Variants in AKR1D1 observed in about 807,000 individuals in gnomAD.
AKR1D1 encodes the protein aldo-keto reductase family 1 member D1, also known as delta(4)-3-ketosteroid 5-beta-reductase.
A neutral mutation model predicts 42.6 loss-of-function variants in AKR1D1; 32 were observed. The ratio of observed to expected loss-of-function variants is 0.75; its 90% CI spans 0.57 to 1.01. AKR1D1 has a LOEUF of 1.01. Ranked by LOEUF, AKR1D1 falls within the 50% of genes least tolerant of loss-of-function variation. AKR1D1 has a pLI of 0.00. For synonymous variants in AKR1D1, 123 were observed against 135.5 expected (o/e 0.91, Z 0.64); for missense variants, 364 against 402.2 (o/e 0.91, Z 0.81).
intron 7 of AKR1D1, among the ~76,000 whole-genome samples, chr7:138,108,348 T>C (rs1794473939): frequency 6.6e-6 from 1 of 152,194 alleles, no homozygotes; most frequent in African/African-American, 2.4e-5. Context: ...TAATTTACAT[T>C]TCAAAAGTAA....
In AKR1D1 at chr7:138,097,857, T is replaced by C; in HGVS notation, c.379-9T>C. 6.3e-7 allele frequency: 1 copy of C among 1,588,902 alleles called. No individual in the cohort carries two copies. The highest frequency in any genetic ancestry group is 8.6e-7 in the Non-Finnish European group (1 of 1,164,418). On this transcript the variant is annotated splice_polypyrimidine_tract_variant and intron_variant, in intron 3 of 8. Transcript: ENST00000242375. Reference sequence around the variant, plus strand: ...TGAATTACATTTATTCTTTTTTTTTTTTTTTCAGCCAGGAGATGAAATATA... The same window carrying C: ...TGAATTACATTTATTCTTTTTTTTTCTTTTTCAGCCAGGAGATGAAATATA...
At position 138,100,088 on chromosome 7, in the gene AKR1D1, C is replaced by CA. The variant is rs59361346; in HGVS notation, c.456+2175dup. Among the ~76,000 whole-genome samples, 252 of 43,550 alleles carry CA rather than the reference C, an allele frequency of 5.8e-3. 44 individuals carry two copies. Among genetic ancestry groups the CA allele is most frequent in the Admixed American group, 0.011 (24 of 2,236 alleles). The allele number at this position is 43,550 out of a possible 152,430, so 28.6% of individuals were successfully genotyped here. ...TGGGCAATATAGCGAGATTTCATCT[C>CA]AAAAAAAAAAAAAAAAAAAAAAAAA... On this transcript the variant is annotated intron_variant, in intron 4 of 8. Transcript: ENST00000242375.
rs533917536 is a variant in AKR1D1, at chr7:138,098,288, G to C, written c.456+345G>C. On this transcript the variant is annotated intron_variant, in intron 4 of 8. Coordinates refer to ENST00000242375, the MANE Select transcript of AKR1D1 (RefSeq NM_005989.4). ...CAAGTTGTTAATATGATGCCTACAA[G>C]AAACAAACTTAAAATGATACATAAA... 8 of 203,182 alleles carry C rather than the reference G, an allele frequency of 3.9e-5. No individual in the cohort carries two copies. In the South Asian group the frequency reaches 6.2e-4, roughly 16 times the overall value. 12.6% of individuals were successfully genotyped at this position (203,182 alleles called of 1,614,324 possible). A position where few individuals can be genotyped will look rare whatever the true frequency, so the allele number is the denominator to read the frequency against.
intron 8 of AKR1D1, among the ~76,000 whole-genome samples, chr7:138,115,305 G>A (rs1264034177): frequency 6.6e-6 from 1 of 152,064 alleles, no homozygotes; most frequent in Non-Finnish European, 1.5e-5. Flanking sequence ...AAGCCATCAT[G>A]GTGGCATGCA....
chr7:138,105,561 G>A (rs1794406535), intron 5 of AKR1D1, 132 bp downstream of exon 5: 2 of 1,338,106 alleles, frequency 1.5e-6, no homozygotes, highest in South Asian at 1.3e-5. Flanking sequence ...CCCTGTGCAA[G>A]TCTTTAGACT....
At chr7:138,104,326 T>TATGAGAGAGAG (rs1794373893) in intron 4 of AKR1D1, among the ~76,000 whole-genome samples, 1 of 152,024 alleles carries the variant, frequency 6.6e-6, no homozygotes, top group Non-Finnish European at 1.5e-5. Context: ...TACATATATG[T>TATGAGAGAGAG]ATGAGAGAGA....
chr7:138,082,305 T>C (rs6943498), intron 1 of AKR1D1, among the ~76,000 whole-genome samples: 83,036 of 151,988 alleles, frequency 0.55, 22,986 homozygotes, highest in Middle Eastern at 0.62. Flanking sequence ...GCACTTTTCA[T>C]AGTTTCCTGT....
chr7:138,095,701 T>G (rs1338028117), intron 3 of AKR1D1, among the ~76,000 whole-genome samples: 1 of 152,100 alleles, frequency 6.6e-6, no homozygotes, highest in Admixed American at 6.5e-5. Flanking sequence ...AATTTTTGTA[T>G]TTTTAGTAGA....
chr7:138,101,224 G>A (rs1032071097), intron 4 of AKR1D1, among the ~76,000 whole-genome samples: 1 of 109,046 alleles, frequency 9.2e-6, no homozygotes, highest in Non-Finnish European at 1.7e-5. Flanking sequence ...TTCCTTCCAC[G>A]AGTCTCGCTC....
intron 1 of AKR1D1, among the ~76,000 whole-genome samples, chr7:138,078,572 C>G (rs1029654714): frequency 1.3e-5 from 2 of 152,184 alleles, no homozygotes; most frequent in Non-Finnish European, 2.9e-5. Flanking sequence ...TCTTTATGAT[C>G]TCATTCATAA....
intron 1 of AKR1D1, among the ~76,000 whole-genome samples, chr7:138,087,414 T>C (rs1793954067): frequency 6.6e-6 from 1 of 152,236 alleles, no homozygotes; most frequent in African/African-American, 2.4e-5. Flanking sequence ...GGGAACAGGA[T>C]ATGCTCATTC....
chr7:138,100,965 A>G (rs1794296500), intron 4 of AKR1D1, among the ~76,000 whole-genome samples: 2 of 151,886 alleles, frequency 1.3e-5, no homozygotes, highest in Admixed American at 1.3e-4. Flanking sequence ...CCGCCTCTCA[A>G]AGTGCTGAGA....
At chr7:138,087,715 C>T (rs1793960558) in intron 1 of AKR1D1, among the ~76,000 whole-genome samples, 1 of 152,154 alleles carries the variant, frequency 6.6e-6, no homozygotes, top group African/African-American at 2.4e-5. Context: ...CCCCCAACTC[C>T]TGACCCCAGG....
At chr7:138,108,604 CA>C (rs1794477966) in intron 7 of AKR1D1, among the ~76,000 whole-genome samples, 2 of 152,050 alleles carry the variant, frequency 1.3e-5, no homozygotes, top group Non-Finnish European at 2.9e-5. Flanking sequence ...AAAAGTTAAT[CA>C]CATAAAAGTA....
At chr7:138,097,754 C>A in intron 3 of AKR1D1, 112 bp from the exon 4 acceptor site, 1 of 915,460 alleles carries the variant, frequency 1.1e-6, no homozygotes, top group Non-Finnish European at 1.7e-6. Flanking sequence ...GATTTAGAAA[C>A]AATAGACATT....
chr7:138,093,316 CTCGGCCTCCCAAAG>C (rs1263559535), intron 3 of AKR1D1, among the ~76,000 whole-genome samples: 3 of 152,162 alleles, frequency 2.0e-5, no homozygotes, highest in Non-Finnish European at 1.5e-5. Context: ...ATCCGCCCAC[CTCGGCCTCCCAAAG>C]TGTTGGGATT....
intron 4 of AKR1D1, among the ~76,000 whole-genome samples, chr7:138,104,933 A>G (rs1794390703): frequency 1.3e-5 from 2 of 151,736 alleles, no homozygotes; most frequent in African/African-American, 4.8e-5. Context: ...TTAATTCTTG[A>G]TTTTTATTAG....
intron 7 of AKR1D1, among the ~76,000 whole-genome samples, chr7:138,109,034 A>T (rs1429934342): frequency 2.0e-5 from 3 of 152,230 alleles, no homozygotes; most frequent in African/African-American, 7.2e-5. Flanking sequence ...ACACAGACAG[A>T]TGTTTATTAT....
rs1224062745 is a variant in AKR1D1 at position 138,088,494 on chromosome 7, T to C, written c.94-107T>C. On this transcript the variant is annotated intron_variant, in intron 1 of 8. Coordinates refer to ENST00000242375, the MANE Select transcript of AKR1D1 (RefSeq NM_005989.4). The stretch of plus-strand genomic sequence containing the variant: ...TCACAACAGCAAGGAATTGGGAATG[T>C]GTCATTTTAGCTGTAAAGGAATGTA... The C allele has an allele frequency of 6.2e-6, 8 of 1,298,638 alleles. No homozygotes were observed. In the South Asian group the frequency reaches 7.3e-5, roughly 12 times the overall value. The allele number at this position is 1,298,638 out of a possible 1,614,324, so 80.4% of individuals were successfully genotyped here. A position where few individuals can be genotyped will look rare whatever the true frequency, so the allele number is the denominator to read the frequency against.
Sources: gnomAD v4.1 joint callset for allele counts (sites outside exome capture counted in the v4.1 genomes callset) on GRCh38, gnomAD v4.1.1 for gene constraint, MANE v1.5 for transcripts, NCBI Gene and HGNC (gene_info 2026-07-23, HGNC 2026-07-21) for gene names.